SHB: variants seen among roughly 807,000 people sequenced by gnomAD.
The protein encoded by SHB is SH2 domain containing adaptor protein B.
Under a neutral mutation model 52.3 loss-of-function variants are expected in SHB, and 20 were observed. That is an observed-to-expected ratio of 0.38 (90% CI 0.27 to 0.56). SHB has a LOEUF of 0.56. Among genes scored for constraint, SHB ranks in the 20% least tolerant of loss-of-function variants. SHB has a pLI of 0.71. For synonymous variants in SHB, 397 were observed against 316.5 expected, an observed-to-expected ratio of 1.25 and a Z score of -2.70; for missense variants, 825 against 723.3, an observed-to-expected ratio of 1.14 and a Z score of -1.61.
intron 2 of SHB, among the ~76,000 whole-genome samples, chr9:37,980,188 C>T (rs924175792): frequency 5.3e-5 from 8 of 152,198 alleles, no homozygotes; most frequent in South Asian, 2.1e-4. Context: ...TTTCTCTTAG[C>T]GAAAGGCTGT....
At chr9:38,062,236 T>C (rs1372800083) in intron 1 of SHB, among the ~76,000 whole-genome samples, 1 of 152,226 alleles carries the variant, frequency 6.6e-6, no homozygotes, top group East Asian at 1.9e-4. Context: ...GGTGTGATCC[T>C]TGCTCTATCA....
intron 2 of SHB, among the ~76,000 whole-genome samples, chr9:38,007,445 C>T (rs974864540): frequency 4.6e-5 from 7 of 152,236 alleles, no homozygotes; most frequent in African/African-American, 1.2e-4. Context: ...CCGCCGGCTG[C>T]GGAGACAGAA....
Position 38,011,757 on chromosome 9 carries a change from T to TA in SHB, c.838+4253dup, listed in dbSNP as rs199873398. Among the ~76,000 whole-genome samples, 218 of 152,214 alleles carry TA rather than the reference T, an allele frequency of 1.4e-3. 1 individual carries two copies. The highest frequency in any genetic ancestry group is 2.4e-3 in the Non-Finnish European group (166 of 68,000). ...AGCTTCACATTTAATCAGTGGGTTT[T>TA]AAAAAAAATCTCAAAAGGATTATAA... On this transcript the variant is annotated intron_variant, in intron 2 of 5. Transcript: ENST00000377707.
chr9:38,036,174 C>G (rs970972844), intron 1 of SHB, among the ~76,000 whole-genome samples: 2 of 152,116 alleles, frequency 1.3e-5, no homozygotes, highest in Non-Finnish European at 2.9e-5. Flanking sequence ...GCCCTGCTGC[C>G]CCATAAGGTG....
At chr9:38,024,604 G>C (rs1044455449) in intron 1 of SHB, among the ~76,000 whole-genome samples, 3 of 152,176 alleles carry the variant, frequency 2.0e-5, no homozygotes, top group African/African-American at 4.8e-5. Context: ...TGTGGGTCCT[G>C]GGTAGGAGGC....
intron 5 of SHB, among the ~76,000 whole-genome samples, chr9:37,935,476 G>A (rs1190804843): frequency 1.3e-5 from 2 of 152,188 alleles, no homozygotes; most frequent in African/African-American, 4.8e-5. Context: ...GGGCTGGGAT[G>A]TAGAGCACTG....
chr9:38,050,846 G>A (rs969728824), intron 1 of SHB, among the ~76,000 whole-genome samples: 9 of 151,058 alleles, frequency 6.0e-5, no homozygotes, highest in African/African-American at 2.0e-4. Flanking sequence ...TCCCAAAAAG[G>A]CCAGGCAGAT....
intron 2 of SHB, among the ~76,000 whole-genome samples, chr9:37,999,787 A>C (rs1411214723): frequency 6.6e-6 from 1 of 152,172 alleles, no homozygotes; most frequent in Non-Finnish European, 1.5e-5. Context: ...TCACCTTAGG[A>C]TCTGGCTGAA....
intron 2 of SHB, among the ~76,000 whole-genome samples, chr9:38,010,565 C>T (rs899653441): frequency 2.0e-5 from 3 of 152,188 alleles, no homozygotes; most frequent in Non-Finnish European, 4.4e-5. Context: ...CCTGGGATGC[C>T]TGACTCAGTT....
chr9:38,029,119 A>G (rs1821382013), intron 1 of SHB, among the ~76,000 whole-genome samples: 2 of 152,198 alleles, frequency 1.3e-5, no homozygotes, highest in Non-Finnish European at 2.9e-5. Context: ...CTAGTCCACC[A>G]CAGCCTTTGC....
intron 2 of SHB, among the ~76,000 whole-genome samples, chr9:37,976,981 T>A (rs555390413): frequency 6.6e-6 from 1 of 152,360 alleles, no homozygotes; most frequent in South Asian, 2.1e-4. Context: ...ATACTGTGCC[T>A]GTGATCATTA....
chr9:37,932,099 C>G (rs191647033), intron 5 of SHB, among the ~76,000 whole-genome samples: 1 of 151,548 alleles, frequency 6.6e-6, no homozygotes, highest in Non-Finnish European at 1.5e-5. Flanking sequence ...CTGGTCAACA[C>G]GATGAAACCC....
chr9:38,052,440 C>A (rs774179399), intron 1 of SHB, among the ~76,000 whole-genome samples: 5 of 152,244 alleles, frequency 3.3e-5, no homozygotes, highest in Non-Finnish European at 5.9e-5. Context: ...GAGTAACTCA[C>A]AAACTCCCAC....
chr9:38,065,078 GC>G (rs1821943805), intron 1 of SHB, among the ~76,000 whole-genome samples: 1 of 152,228 alleles, frequency 6.6e-6, no homozygotes, highest in Non-Finnish European at 1.5e-5. Flanking sequence ...CTGCACTCCA[GC>G]CTAGGTGACA....
intron 1 of SHB, among the ~76,000 whole-genome samples, chr9:38,033,537 A>G (rs1158985340): frequency 6.6e-6 from 1 of 152,174 alleles, no homozygotes; most frequent in Non-Finnish European, 1.5e-5. Context: ...TAAAAATTAA[A>G]ATTAATCCAA....
At chr9:38,012,502 T>C (rs1458405945) in intron 2 of SHB, among the ~76,000 whole-genome samples, 1 of 152,100 alleles carries the variant, frequency 6.6e-6, no homozygotes, top group African/African-American at 2.4e-5. Context: ...CCCGTTGTTG[T>C]TATCACCGGC....
chr9:37,923,181 G>A (rs189245040), intron 5 of SHB, among the ~76,000 whole-genome samples: 5 of 152,212 alleles, frequency 3.3e-5, no homozygotes, highest in African/African-American at 1.2e-4. Flanking sequence ...ACCTGAGAGA[G>A]GGCCTCATGT....
rs1473110593 is a variant in SHB, at chr9:38,068,791, TC to T, written c.-147del. On this transcript the variant is annotated 5_prime_UTR_variant, in exon 1 of 6. An upstream open reading frame in the 5' UTR loses its in-frame stop. Coordinates refer to ENST00000377707, the MANE Select transcript of SHB (RefSeq NM_003028.3). ...CCCGCTCCCGACGCCAAGTTCAAGT[TC>T]TTGCCGCCGCCGCCTCCTGCCGGCA... 5.4e-6 allele frequency: 1 copy of T among 186,574 alleles called. No individual in the cohort carries two copies. Among genetic ancestry groups the T allele is most frequent in the Non-Finnish European group, 1.0e-5 (1 of 97,814 alleles). 11.6% of individuals were successfully genotyped at this position (186,574 alleles called of 1,614,324 possible). A position where few individuals can be genotyped will look rare whatever the true frequency, so the allele number is the denominator to read the frequency against.
In SHB at chr9:37,917,637, G is replaced by T. The variant is rs1441527463; in HGVS notation, c.*2184C>A. Among the ~76,000 whole-genome samples the T allele has an allele frequency of 6.6e-6, 1 of 152,204 alleles. No individual in the cohort carries two copies. The highest frequency in any genetic ancestry group is 1.5e-5 in the Non-Finnish European group (1 of 68,038). On this transcript the variant is annotated 3_prime_UTR_variant, in exon 6 of 6. Coordinates refer to ENST00000377707, the MANE Select transcript of SHB (RefSeq NM_003028.3). ...CTTGGGGTCCAGGCTCCTCTGTTTG[G>T]CCAAGTGCCAACTCCTCACTCATCT...
Sources: gnomAD v4.1 joint callset for allele counts (sites outside exome capture counted in the v4.1 genomes callset) on GRCh38, gnomAD v4.1.1 for gene constraint, MANE v1.5 for transcripts, NCBI Gene and HGNC (gene_info 2026-07-23, HGNC 2026-07-21) for gene names.